The following MAP2K1 variants were observed in gnomAD, a reference collection of about 807,000 sequenced individuals.
The protein encoded by MAP2K1 is mitogen-activated protein kinase kinase 1, also known as dual specificity mitogen-activated protein kinase kinase 1.
In MAP2K1, 16 loss-of-function variants were observed where a neutral mutation model predicts 46.3. The observed-to-expected ratio is 0.35, with a 90% confidence interval of 0.23 to 0.52. The LOEUF is 0.52. Among genes scored for constraint, MAP2K1 ranks in the 20% least tolerant of loss-of-function variants. The pLI is 0.94. For synonymous variants in MAP2K1, 183 were observed against 185.6 expected (o/e 0.99, Z 0.11); for missense variants, 263 against 497.1 (o/e 0.53, Z 4.48).
At chr15:66,465,122 G>A (rs112861062) in intron 5 of MAP2K1, among the ~76,000 whole-genome samples, 11,780 of 151,976 alleles carry the variant, frequency 0.078, 1,516 homozygotes, top group African/African-American at 0.27. Flanking sequence ...CTACTTGGGA[G>A]GCTGGGGCAG....
chr15:66,404,626 T>C (rs903866873), intron 1 of MAP2K1, among the ~76,000 whole-genome samples: 3 of 152,298 alleles, frequency 2.0e-5, no homozygotes, highest in Admixed American at 1.3e-4. Context: ...TAACATTTAT[T>C]AGGGGAAGTC....
At chr15:66,486,891 A>C (rs1893053309) in intron 7 of MAP2K1, among the ~76,000 whole-genome samples, 1 of 152,182 alleles carries the variant, frequency 6.6e-6, no homozygotes, top group Admixed American at 6.5e-5. Flanking sequence ...TAAGTCCTTT[A>C]GTTATTTAGT....
chr15:66,392,118 T>A (rs975334466), intron 1 of MAP2K1, among the ~76,000 whole-genome samples: 2 of 152,104 alleles, frequency 1.3e-5, no homozygotes, highest in African/African-American at 4.8e-5. Flanking sequence ...TCTTAAAGTT[T>A]TGCCTAGAGG....
At chr15:66,402,064 T>C (rs1010681552) in intron 1 of MAP2K1, 2 of 1,163,302 alleles carry the variant, frequency 1.7e-6, no homozygotes, top group Non-Finnish European at 2.3e-6. Context: ...TGCTTTGTAT[T>C]TTGAAGTTTT....
rs2140583667 is a variant in MAP2K1, at chr15:66,436,799, G to A, written c.345G>A (p.Leu115=). Residue 115 remains leucine, a synonymous_variant, in exon 3 of 11, where the codon CTG becomes CTA. Coordinates refer to ENST00000307102, the MANE Select transcript of MAP2K1 (RefSeq NM_002755.4). ...TCCGGAACCAGATCATAAGGGAGCT[G>A]CAGGTTCTGCATGAGTGCAACTCTC... is the stretch of plus-strand genomic sequence containing the variant. The part of the protein sequence containing the change: ...PAIRNQIIRE[L]QVLHECNSPY... The A allele has an allele frequency of 6.2e-7, 1 of 1,614,198 alleles. No homozygotes were observed. Among genetic ancestry groups the A allele is most frequent in the Non-Finnish European group, 8.5e-7 (1 of 1,180,020 alleles).
chr15:66,422,704 T>A (rs1429539919), intron 1 of MAP2K1, among the ~76,000 whole-genome samples: 1 of 152,134 alleles, frequency 6.6e-6, no homozygotes, highest in African/African-American at 2.4e-5. Flanking sequence ...GGTGTGGGAT[T>A]TTTCTTTTTT....
intron 6 of MAP2K1, among the ~76,000 whole-genome samples, chr15:66,482,211 G>A (rs1892930582): frequency 1.3e-5 from 2 of 152,162 alleles, no homozygotes. Context: ...AACCCAGGAT[G>A]CTCAGATATA....
chr15:66,429,808 ACT>A (rs1466470254), intron 1 of MAP2K1, among the ~76,000 whole-genome samples: 2 of 151,014 alleles, frequency 1.3e-5, no homozygotes, highest in African/African-American at 4.9e-5. Context: ...TATACGCCTA[ACT>A]CTCAATCCTC....
At chr15:66,482,826 G>A (rs180927438) in intron 6 of MAP2K1, among the ~76,000 whole-genome samples, 3 of 152,140 alleles carry the variant, frequency 2.0e-5, no homozygotes, top group Admixed American at 6.5e-5. Context: ...GCTGAAGTGC[G>A]GCAAAGTGGA....
intron 5 of MAP2K1, among the ~76,000 whole-genome samples, chr15:66,454,222 C>T (rs759667902): frequency 2.3e-4 from 35 of 152,080 alleles, no homozygotes; most frequent in Non-Finnish European, 4.7e-4. Flanking sequence ...GTGTTTCAAG[C>T]CAAGATTTAA....
intron 4 of MAP2K1, among the ~76,000 whole-genome samples, chr15:66,444,094 C>T (rs570462573): frequency 2.6e-5 from 4 of 151,368 alleles, no homozygotes; most frequent in African/African-American, 4.9e-5. Context: ...CAAAATTAGC[C>T]GGGGGTGTTG....
At chr15:66,467,853 G>A (rs536277544) in intron 5 of MAP2K1, among the ~76,000 whole-genome samples, 59 of 152,326 alleles carry the variant, frequency 3.9e-4, no homozygotes, top group South Asian at 3.3e-3. Context: ...GCGCCACCGC[G>A]CCCGGTGGCT....
chr15:66,398,392 G>A lies in MAP2K1; in HGVS notation c.80+10965G>A, dbSNP rs1419279315. ...ATCGTGCCACTGCACTCTAGCCTGG[G>A]TGAGAGTGGGACCCTGTCTCCAAAG... On this transcript the variant is annotated intron_variant, in intron 1 of 10. Transcript: ENST00000307102. Among the ~76,000 whole-genome samples, 5 of 152,196 alleles carry A rather than the reference G, an allele frequency of 3.3e-5. No homozygotes were observed. In the East Asian group the frequency reaches 5.8e-4, roughly 18 times the overall value.
At chr15:66,397,719 A>G (rs1280830139) in intron 1 of MAP2K1, among the ~76,000 whole-genome samples, 1 of 152,192 alleles carries the variant, frequency 6.6e-6, no homozygotes, top group African/African-American at 2.4e-5. Flanking sequence ...AAATACGGGG[A>G]TAGAGGAATG....
intron 1 of MAP2K1, among the ~76,000 whole-genome samples, chr15:66,428,578 A>G (rs577611502): frequency 2.0e-5 from 3 of 152,076 alleles, no homozygotes; most frequent in South Asian, 4.2e-4. Context: ...AAGTTTACCA[A>G]TTTAAATGTT....
At chr15:66,394,784 C>T (rs892349936) in intron 1 of MAP2K1, among the ~76,000 whole-genome samples, 1 of 152,114 alleles carries the variant, frequency 6.6e-6, no homozygotes, top group Non-Finnish European at 1.5e-5. Context: ...TGGTTTCACA[C>T]TGATTTTGTA....
At chr15:66,406,893 G>A (rs866770006) in intron 1 of MAP2K1, among the ~76,000 whole-genome samples, 3 of 152,114 alleles carry the variant, frequency 2.0e-5, no homozygotes, top group African/African-American at 4.8e-5. Flanking sequence ...TTAGCCGGGC[G>A]TGGTGGTGCA....
intron 1 of MAP2K1, among the ~76,000 whole-genome samples, chr15:66,388,853 A>G (rs982099608): frequency 1.3e-5 from 2 of 150,158 alleles, no homozygotes; most frequent in African/African-American, 4.9e-5. Flanking sequence ...TTTGCATAAT[A>G]CTGACTTGTA....
At chr15:66,487,607 AAAC>A (rs1391097007) in intron 8 of MAP2K1, among the ~76,000 whole-genome samples, 5 of 148,486 alleles carry the variant, frequency 3.4e-5, no homozygotes, top group African/African-American at 1.3e-4. Context: ...CAAAACAAAA[AAAC>A]AAAAAAACAC....
Sources: gnomAD v4.1 joint callset for allele counts (sites outside exome capture counted in the v4.1 genomes callset) on GRCh38, gnomAD v4.1.1 for gene constraint, MANE v1.5 for transcripts, NCBI Gene and HGNC (gene_info 2026-07-23, HGNC 2026-07-21) for gene names.